The following EPHA6 variants were observed in gnomAD, a reference collection of about 807,000 sequenced individuals.
EPHA6 encodes ephrin type-A receptor 6.
In EPHA6, 50 loss-of-function variants were observed where a neutral mutation model predicts 112.0. The observed-to-expected ratio is 0.45, with a 90% CI of 0.36 to 0.56. The LOEUF is 0.56. Ranked by LOEUF, EPHA6 falls within the 20% of genes least tolerant of loss-of-function variation. EPHA6 has a pLI of 0.00. For synonymous variants in EPHA6, 529 were observed against 490.7 expected, an observed-to-expected ratio of 1.08 and a Z score of -1.03; for missense variants, 1,280 against 1,417.4, an observed-to-expected ratio of 0.90 and a Z score of 1.56.
At chr3:97,126,630 C>A (rs2048188693) in intron 3 of EPHA6, among the ~76,000 whole-genome samples, 2 of 151,840 alleles carry the variant, frequency 1.3e-5, no homozygotes, top group African/African-American at 4.8e-5. Flanking sequence ...TTACACTAAA[C>A]TTCTACTAGG....
At chr3:97,259,861 C>T (rs1384309776) in intron 5 of EPHA6, among the ~76,000 whole-genome samples, 3 of 150,666 alleles carry the variant, frequency 2.0e-5, no homozygotes, top group Non-Finnish European at 4.4e-5. Flanking sequence ...AGTGCAGTGG[C>T]ACAATCTCAG....
At chr3:97,047,174 T>C (rs954911682) in intron 3 of EPHA6, among the ~76,000 whole-genome samples, 1 of 152,156 alleles carries the variant, frequency 6.6e-6, no homozygotes, top group South Asian at 2.1e-4. Flanking sequence ...ACTAAACATA[T>C]TGATTTATTT....
At chr3:97,003,586 G>A (rs1297686406) in intron 3 of EPHA6, among the ~76,000 whole-genome samples, 1 of 151,992 alleles carries the variant, frequency 6.6e-6, no homozygotes, top group Non-Finnish European at 1.5e-5. Flanking sequence ...TACAAATTAG[G>A]ATTTTCATGA....
intron 3 of EPHA6, among the ~76,000 whole-genome samples, chr3:97,179,117 C>A (rs995815131): frequency 3.9e-5 from 6 of 151,968 alleles, no homozygotes; most frequent in African/African-American, 1.4e-4. Flanking sequence ...TGTCTCCAAG[C>A]TCACTAATTC....
chr3:97,229,093 G>A (rs1417490771), intron 4 of EPHA6, among the ~76,000 whole-genome samples: 1 of 151,936 alleles, frequency 6.6e-6, no homozygotes, highest in Non-Finnish European at 1.5e-5. Context: ...TTGCTGATTT[G>A]TTTGAGTTCC....
chr3:97,699,944 G>A (rs1409267348), intron 14 of EPHA6, among the ~76,000 whole-genome samples: 1 of 152,180 alleles, frequency 6.6e-6, no homozygotes, highest in African/African-American at 2.4e-5. Flanking sequence ...CAAGTTCCCT[G>A]GAAAACAGAA....
chr3:97,118,077 G>A (rs1318225336), intron 3 of EPHA6, among the ~76,000 whole-genome samples: 6 of 151,684 alleles, frequency 4.0e-5, no homozygotes, highest in Non-Finnish European at 8.9e-5. Context: ...ACTAAGAGTT[G>A]AAATTCATTA....
intron 5 of EPHA6, among the ~76,000 whole-genome samples, chr3:97,342,498 T>C (rs2083355153): frequency 6.6e-6 from 1 of 152,202 alleles, no homozygotes; most frequent in African/African-American, 2.4e-5. Flanking sequence ...TAGAATCATA[T>C]GGTGTGTAGC....
intron 3 of EPHA6, among the ~76,000 whole-genome samples, chr3:96,997,182 G>A (rs2043453745): frequency 6.6e-6 from 1 of 152,056 alleles, no homozygotes; most frequent in Admixed American, 6.6e-5. Context: ...GGATTAGGCT[G>A]TGGCTTAAGG....
chr3:96,865,084 G>A (rs528374019), intron 1 of EPHA6, among the ~76,000 whole-genome samples: 65 of 152,062 alleles, frequency 4.3e-4, no homozygotes, highest in African/African-American at 1.5e-3. Flanking sequence ...AGGGTTCATT[G>A]TACTGTTTTT....
At chr3:97,737,386 T>C (rs960247351) in intron 16 of EPHA6, among the ~76,000 whole-genome samples, 4 of 152,044 alleles carry the variant, frequency 2.6e-5, no homozygotes, top group African/African-American at 9.7e-5. Context: ...AGGGCTTGAC[T>C]TCTGAAATGG....
chr3:97,638,045 T>A lies in EPHA6; in HGVS notation c.2747T>A (p.Val916Glu). The change falls in exon 14 of 18, where the codon GTG (valine) becomes GAG (glutamate). Residue 916 changes from valine to glutamate, a missense_variant. Around this residue, in one of 4 missense-constraint regions of EPHA6, gnomAD observed 878 missense variants for 999.7 expected, o/e 0.88. Coordinates refer to ENST00000389672, the MANE Select transcript of EPHA6 (RefSeq NM_001080448.3). ...CKVSDFGLSR[V>E]LEDDPEAAYT... The stretch of plus-strand genomic sequence containing the variant: ...GTTTCTGATTTTGGTCTCTCCAGAG[T>A]GCTGGAAGATGATCCAGAAGCTGCT... The A allele has an allele frequency of 1.2e-6, 2 of 1,613,824 alleles. No homozygotes were observed. The highest frequency in any genetic ancestry group is 1.7e-6 in the Non-Finnish European group (2 of 1,179,830).
intron 5 of EPHA6, among the ~76,000 whole-genome samples, chr3:97,370,372 C>G (rs1169622295): frequency 6.6e-6 from 1 of 152,106 alleles, no homozygotes; most frequent in South Asian, 2.1e-4. Context: ...ACAAAAAATT[C>G]TTGTATAACA....
intron 3 of EPHA6, among the ~76,000 whole-genome samples, chr3:97,070,247 G>A (rs941623773): frequency 6.6e-6 from 1 of 152,030 alleles, no homozygotes; most frequent in Admixed American, 6.6e-5. Context: ...CTATAATTCT[G>A]TAAGGGCAGG....
rs563597143 is a variant in EPHA6 at position 97,013,420 on chromosome 3, A to G, written c.1114+25427A>G. On this transcript the variant is annotated intron_variant, in intron 3 of 17. Transcript: ENST00000389672. ...TTCTCATGTTTTTCTCCCTACATCT[A>G]TATTATATTCTGCTTTTAGCAATCC... Among the ~76,000 whole-genome samples, 4 of 152,248 alleles carry G rather than the reference A, an allele frequency of 2.6e-5. No individual in the cohort carries two copies. The South Asian group carries it at 6.2e-4, about 24-fold the overall frequency.
intron 3 of EPHA6, among the ~76,000 whole-genome samples, chr3:97,024,359 A>G (rs549563552): frequency 6.6e-6 from 1 of 152,176 alleles, no homozygotes; most frequent in African/African-American, 2.4e-5. Flanking sequence ...CTGTGATTTC[A>G]TGTAAAGAAC....
At chr3:97,555,087 C>T (rs901291016) in intron 11 of EPHA6, among the ~76,000 whole-genome samples, 1 of 151,596 alleles carries the variant, frequency 6.6e-6, no homozygotes. Flanking sequence ...CCCTTCCCCC[C>T]ACCCCACAAC....
chr3:97,092,299 G>C (rs2047096593), intron 3 of EPHA6, among the ~76,000 whole-genome samples: 1 of 151,938 alleles, frequency 6.6e-6, no homozygotes, highest in Admixed American at 6.6e-5. Flanking sequence ...ATATCATAGA[G>C]AAGGTTGGAA....
intron 5 of EPHA6, among the ~76,000 whole-genome samples, chr3:97,262,250 A>T (rs1471996519): frequency 2.0e-5 from 3 of 152,252 alleles, no homozygotes; most frequent in African/African-American, 7.2e-5. Context: ...AAATTGGAGC[A>T]GGCTATAAAT....
Sources: gnomAD v4.1 joint callset for allele counts (sites outside exome capture counted in the v4.1 genomes callset) on GRCh38, gnomAD v4.1.1 for gene constraint, gnomAD v4.1.1 regional missense constraint, MANE v1.5 for transcripts, NCBI Gene and HGNC (gene_info 2026-07-23, HGNC 2026-07-21) for gene names.